Variants in DHRS7B observed in about 807,000 individuals in gnomAD.
The protein encoded by DHRS7B is dehydrogenase/reductase 7B, also known as peroxisomal reductase activating PPAR-gamma.
In DHRS7B, 24 loss-of-function variants were observed where a neutral mutation model predicts 26.4. The ratio of observed to expected loss-of-function variants is 0.91; its 90% confidence interval spans 0.66 to 1.28. DHRS7B has a LOEUF of 1.28. Ranked by LOEUF, DHRS7B falls within the 50% of genes most tolerant of loss-of-function variation. DHRS7B has a pLI of 0.00. For synonymous variants in DHRS7B, 142 were observed against 166.4 expected (o/e 0.85, Z 1.13); for missense variants, 368 against 419.4 (o/e 0.88, Z 1.07).
At chr17:21,188,670 C>G (rs373037825) in intron 5 of DHRS7B, 41 bp from the exon 6 acceptor site, 5 of 1,541,798 alleles carry the variant, frequency 3.2e-6, no homozygotes, top group Non-Finnish European at 4.4e-6. Flanking sequence ...CATGCCCACC[C>G]CAGCGCACTC....
At chr17:21,132,389 A>G (rs1219666484) in intron 1 of DHRS7B, among the ~76,000 whole-genome samples, 1 of 150,804 alleles carries the variant, frequency 6.6e-6, no homozygotes, top group East Asian at 1.9e-4. Flanking sequence ...AGAGATATGC[A>G]GGTGTACCAC....
intron 1 of DHRS7B, among the ~76,000 whole-genome samples, chr17:21,167,608 C>G (rs974117911): frequency 2.6e-5 from 4 of 152,160 alleles, no homozygotes; most frequent in African/African-American, 9.7e-5. Context: ...CTCTCACCTT[C>G]TTTTTCTGGC....
intron 1 of DHRS7B, among the ~76,000 whole-genome samples, chr17:21,136,864 T>C (rs1184361449): frequency 1.3e-5 from 2 of 151,956 alleles, no homozygotes; most frequent in Non-Finnish European, 2.9e-5. Context: ...TCAAAAAAAG[T>C]TTTTTAATCT....
chr17:21,171,894 A>G, intron 1 of DHRS7B, 124 bp from the exon 2 acceptor site: 2 of 1,221,512 alleles, frequency 1.6e-6, no homozygotes, highest in Non-Finnish European at 2.4e-6. Context: ...AATGCTTGCT[A>G]GGGCTTAGAG....
intron 1 of DHRS7B, among the ~76,000 whole-genome samples, chr17:21,146,484 T>C (rs1490856350): frequency 6.6e-6 from 1 of 152,242 alleles, no homozygotes; most frequent in Non-Finnish European, 1.5e-5. Flanking sequence ...AGATATTAGA[T>C]ACATTTTGCA....
chr17:21,140,538 A>ACACAC (rs972677956), intron 1 of DHRS7B, among the ~76,000 whole-genome samples: 3 of 134,754 alleles, frequency 2.2e-5, no homozygotes, highest in Non-Finnish European at 3.2e-5. Context: ...ACACACACAC[A>ACACAC]CCCTGACACC....
intron 1 of DHRS7B, among the ~76,000 whole-genome samples, chr17:21,150,105 T>TAAAA (rs61516968): frequency 1.8e-4 from 9 of 50,046 alleles, no homozygotes; most frequent in African/African-American, 4.5e-4. Context: ...CATCTCTATT[T>TAAAA]AAAAAAAAAA....
chr17:21,172,838 G>A (rs202156723), intron 2 of DHRS7B, among the ~76,000 whole-genome samples: 2 of 152,216 alleles, frequency 1.3e-5, no homozygotes, highest in African/African-American at 4.8e-5. Context: ...ACCCTGGCCT[G>A]GAGTGTCAAA....
chr17:21,188,936 C>T (rs1337981763), intron 6 of DHRS7B, 73 bp downstream of exon 6: 1 of 1,570,064 alleles, frequency 6.4e-7, no homozygotes, highest in Non-Finnish European at 8.7e-7. Context: ...GCTCTTACTT[C>T]AGTGATTCTT....
chr17:21,188,377 A>C (rs1974697619), intron 5 of DHRS7B, among the ~76,000 whole-genome samples: 1 of 152,198 alleles, frequency 6.6e-6, no homozygotes, highest in Non-Finnish European at 1.5e-5. Context: ...TGGAGACATG[A>C]TGCTCATTTA....
At chr17:21,184,539 C>G in intron 5 of DHRS7B, 76 bp downstream of exon 5, 1 of 1,411,940 alleles carries the variant, frequency 7.1e-7, no homozygotes, top group Non-Finnish European at 9.8e-7. Context: ...CATTTACTAT[C>G]TAGAATTTAG....
At chr17:21,174,000 CATAAG>C (rs1215830682) in intron 2 of DHRS7B, among the ~76,000 whole-genome samples, 1 of 152,176 alleles carries the variant, frequency 6.6e-6, no homozygotes, top group East Asian at 1.9e-4. Context: ...GTCTATGTAT[CATAAG>C]ATGTCAGGCC....
chr17:21,189,164 A>C (rs1233910534), intron 6 of DHRS7B, among the ~76,000 whole-genome samples: 2 of 152,162 alleles, frequency 1.3e-5, no homozygotes, highest in Non-Finnish European at 1.5e-5. Flanking sequence ...CTTCCAACTA[A>C]CCCATTCGCA....
At chr17:21,162,014 C>T (rs1443369748) in intron 1 of DHRS7B, among the ~76,000 whole-genome samples, 1 of 151,494 alleles carries the variant, frequency 6.6e-6, no homozygotes, top group Non-Finnish European at 1.5e-5. Flanking sequence ...GTTTTTCACA[C>T]AGCTCTAAAA....
chr17:21,159,154 A>C (rs1047050692), intron 1 of DHRS7B, among the ~76,000 whole-genome samples: 5 of 152,228 alleles, frequency 3.3e-5, no homozygotes, highest in Admixed American at 1.3e-4. Flanking sequence ...ACTGGACTTC[A>C]TTAAAATTAA....
chr17:21,138,093 T>TACACACACACACACAC (rs1199383924), intron 1 of DHRS7B, among the ~76,000 whole-genome samples: 9 of 78,194 alleles, frequency 1.2e-4, no homozygotes, highest in African/African-American at 3.0e-4. Flanking sequence ...TATATATATA[T>TACACACACACACACAC]ATATATATAC....
intron 1 of DHRS7B, among the ~76,000 whole-genome samples, chr17:21,138,962 A>T (rs184983003): frequency 1.3e-5 from 2 of 152,334 alleles, no homozygotes; most frequent in African/African-American, 4.8e-5. Flanking sequence ...GAAAACTATG[A>T]TAGTCATAAT....
chr17:21,145,250 G>A (rs374146369), intron 1 of DHRS7B, among the ~76,000 whole-genome samples: 32 of 152,028 alleles, frequency 2.1e-4, no homozygotes, highest in Non-Finnish European at 4.1e-4. Context: ...CATGAACCCC[G>A]GAGGTGGAGC....
At chr17:21,166,172 T>C in intron 1 of DHRS7B, 5 of 985,494 alleles carry the variant, frequency 5.1e-6, no homozygotes, top group Non-Finnish European at 6.0e-6. Flanking sequence ...GGCATCTTAC[T>C]GGAGAGCAGA....
Sources: gnomAD v4.1 joint callset for allele counts (sites outside exome capture counted in the v4.1 genomes callset) on GRCh38, gnomAD v4.1.1 for gene constraint, MANE v1.5 for transcripts, NCBI Gene and HGNC (gene_info 2026-07-23, HGNC 2026-07-21) for gene names.